SH3RF1: variants seen among roughly 807,000 people sequenced by gnomAD.
SH3RF1 encodes SH3 domain containing ring finger 1.
A neutral mutation model predicts 74.0 loss-of-function variants in SH3RF1; 32 were observed. The observed-to-expected ratio is 0.43, with a 90% CI of 0.33 to 0.58. SH3RF1 has a LOEUF of 0.58. Ranked by LOEUF, SH3RF1 falls within the 20% of genes least tolerant of loss-of-function variation. The pLI is 0.05. For synonymous variants in SH3RF1, 396 were observed against 439.6 expected (o/e 0.90, Z 1.24); for missense variants, 954 against 1,130.9 (o/e 0.84, Z 2.24).
At chr4:169,246,708 G>A (rs530155162) in intron 2 of SH3RF1, among the ~76,000 whole-genome samples, 1 of 152,298 alleles carries the variant, frequency 6.6e-6, no homozygotes, top group East Asian at 1.9e-4. Context: ...AAATTACCAA[G>A]GAGCAAATTT....
chr4:169,155,269 G>C (rs960357004), intron 4 of SH3RF1, among the ~76,000 whole-genome samples: 6 of 152,148 alleles, frequency 3.9e-5, no homozygotes, highest in Non-Finnish European at 7.4e-5. Flanking sequence ...GCTTTTAGCA[G>C]GGAGAAAAAG....
intron 2 of SH3RF1, among the ~76,000 whole-genome samples, chr4:169,236,490 A>T (rs1730825865): frequency 6.6e-6 from 1 of 152,234 alleles, no homozygotes; most frequent in African/African-American, 2.4e-5. Context: ...TCCATAATTT[A>T]GACTAAGTAA....
intron 2 of SH3RF1, among the ~76,000 whole-genome samples, chr4:169,159,374 A>G (rs1734115863): frequency 6.6e-6 from 1 of 152,230 alleles, no homozygotes; most frequent in Non-Finnish European, 1.5e-5. Context: ...ACAGCAATCG[A>G]CAGAGAGAGA....
chr4:169,116,935 T>A (rs988448800), intron 9 of SH3RF1, among the ~76,000 whole-genome samples: 1 of 152,224 alleles, frequency 6.6e-6, no homozygotes, highest in Non-Finnish European at 1.5e-5. Flanking sequence ...CAGTTCTTGA[T>A]GGTATTCTAC....
At chr4:169,250,773 T>C (rs972505718) in intron 2 of SH3RF1, among the ~76,000 whole-genome samples, 1 of 151,994 alleles carries the variant, frequency 6.6e-6, no homozygotes, top group African/African-American at 2.4e-5. Context: ...AACAAAGCAG[T>C]GCAAGGCTAG....
At position 169,117,526 on chromosome 4, in the gene SH3RF1, T is replaced by C; in HGVS notation, c.1774A>G (p.Thr592Ala). 2 of 1,614,226 alleles carry C rather than the reference T, an allele frequency of 1.2e-6. No homozygotes were observed. Among genetic ancestry groups the C allele is most frequent in the African/African-American group, 1.3e-5 (1 of 75,066 alleles). ...TVNQARNAVRTVAAHNQERPT... is the reference protein window; with the variant it reads ...TVNQARNAVRAVAAHNQERPT... ...TCTGGCCTGGGTTCCTCCTTACCTG[T>C]CCTCACAGCATTGCGGGCCTGGTTG... Residue 592 changes from threonine to alanine, a missense_variant, in exon 9 of 12, where the codon ACA becomes GCA. Physicochemically the swap from Thr to Ala is moderately conservative, Grantham distance 58. This residue lies in a region of SH3RF1 where 854 missense variants were observed against 962.5 expected (regional missense o/e 0.89). Coordinates refer to ENST00000284637, the MANE Select transcript of SH3RF1 (RefSeq NM_020870.4).
intron 2 of SH3RF1, among the ~76,000 whole-genome samples, chr4:169,229,934 G>A (rs532143171): frequency 6.7e-6 from 1 of 148,444 alleles, no homozygotes; most frequent in African/African-American, 2.5e-5. Context: ...GGCCAGGCGA[G>A]GTGGCTCATG....
chr4:169,251,647 C>T (rs1731107021), intron 2 of SH3RF1, among the ~76,000 whole-genome samples: 1 of 152,146 alleles, frequency 6.6e-6, no homozygotes, highest in South Asian at 2.1e-4. Flanking sequence ...AAATGGAATG[C>T]ACTGGGAGCG....
At position 169,116,988 on chromosome 4, in the gene SH3RF1, A is replaced by C. The variant is rs921754460; in HGVS notation, c.1778-358T>G. Among the ~76,000 whole-genome samples, 3 of 152,052 alleles carry C rather than the reference A, an allele frequency of 2.0e-5. No individual in the cohort carries two copies. The South Asian group carries it at 6.2e-4, about 32-fold the overall frequency. On this transcript the variant is annotated intron_variant, in intron 9 of 11. Transcript: ENST00000284637. ...CCCTCTAGTCCTTTTCCTATTATTC[A>C]TTCCCTTTTCTTATGAATCATTTTC... is the stretch of plus-strand genomic sequence containing the variant.
At chr4:169,194,232 T>C (rs1207264284) in intron 2 of SH3RF1, among the ~76,000 whole-genome samples, 1 of 152,200 alleles carries the variant, frequency 6.6e-6, no homozygotes, top group Non-Finnish European at 1.5e-5. Flanking sequence ...CATATAAAAC[T>C]GCACAAAACC....
chr4:169,187,333 A>G (rs1734622944), intron 2 of SH3RF1, among the ~76,000 whole-genome samples: 2 of 152,198 alleles, frequency 1.3e-5, no homozygotes, highest in South Asian at 4.1e-4. Context: ...AGCTGAGACT[A>G]AGATGCACGT....
At chr4:169,201,324 T>C (rs1056207529) in intron 2 of SH3RF1, among the ~76,000 whole-genome samples, 6 of 152,132 alleles carry the variant, frequency 3.9e-5, no homozygotes, top group African/African-American at 1.4e-4. Flanking sequence ...CAGGAAACAA[T>C]TTATCTCCAC....
chr4:169,260,704 A>C lies in SH3RF1; in HGVS notation c.393+8116T>G, dbSNP rs185391820. ...GTCACGCAAAAGAGAAATATAAATA[A>C]ATAAATAAGGACTGGAGCAATAGTG... On this transcript the variant is annotated intron_variant, in intron 2 of 11. Coordinates refer to ENST00000284637, the MANE Select transcript of SH3RF1 (RefSeq NM_020870.4). 1.8e-4 allele frequency among the ~76,000 whole-genome samples: 27 copies of C among 152,300 alleles called. No individual in the cohort carries two copies. In the East Asian group the frequency reaches 5.0e-3, roughly 28 times the overall value.
intron 2 of SH3RF1, among the ~76,000 whole-genome samples, chr4:169,203,524 C>T (rs1734944717): frequency 6.6e-6 from 1 of 151,028 alleles, no homozygotes. Context: ...GCACTCCAGC[C>T]TGGGCAACAG....
intron 2 of SH3RF1, among the ~76,000 whole-genome samples, chr4:169,182,338 T>G (rs1048123469): frequency 6.6e-6 from 1 of 152,246 alleles, no homozygotes; most frequent in African/African-American, 2.4e-5. Context: ...CAAAAATCAC[T>G]GAGCAGTTGC....
At chr4:169,128,779 C>T (rs1579096299) in intron 6 of SH3RF1, among the ~76,000 whole-genome samples, 1 of 152,144 alleles carries the variant, frequency 6.6e-6, no homozygotes, top group African/African-American at 2.4e-5. Flanking sequence ...AAAATCTTTA[C>T]AACATGTATA....
chr4:169,250,898 G>T (rs1731093866), intron 2 of SH3RF1, among the ~76,000 whole-genome samples: 2 of 152,176 alleles, frequency 1.3e-5, no homozygotes, highest in African/African-American at 4.8e-5. Flanking sequence ...AGCAAGCCAT[G>T]TTGAGACCTG....
At chr4:169,201,582 C>G (rs1442861928) in intron 2 of SH3RF1, among the ~76,000 whole-genome samples, 1 of 152,144 alleles carries the variant, frequency 6.6e-6, no homozygotes, top group Non-Finnish European at 1.5e-5. Context: ...ATCTAAAAGC[C>G]ACTTTCATAA....
intron 5 of SH3RF1, among the ~76,000 whole-genome samples, chr4:169,136,091 T>G (rs1479273241): frequency 6.6e-6 from 1 of 152,220 alleles, no homozygotes; most frequent in African/African-American, 2.4e-5. Flanking sequence ...TTCTGATCTT[T>G]CCTTTGAAAA....
Sources: gnomAD v4.1 joint callset for allele counts (sites outside exome capture counted in the v4.1 genomes callset) on GRCh38, gnomAD v4.1.1 for gene constraint, gnomAD v4.1.1 regional missense constraint, MANE v1.5 for transcripts, NCBI Gene and HGNC (gene_info 2026-07-23, HGNC 2026-07-21) for gene names.